PTPRD: variants seen among roughly 807,000 people sequenced by gnomAD.
PTPRD encodes the protein protein tyrosine phosphatase receptor type D.
In PTPRD, 34 loss-of-function variants were observed where a neutral mutation model predicts 214.5. The observed-to-expected ratio is 0.16, with a 90% CI of 0.12 to 0.21. The LOEUF is 0.21. Among genes scored for constraint, PTPRD ranks in the 10% least tolerant of loss-of-function variants. The pLI is 1.00. For missense variants in PTPRD, 2,545 were observed against 2,398.7 expected, an observed-to-expected ratio of 1.06 and a Z score of -1.27; for synonymous variants, 1,128 against 845.7, an observed-to-expected ratio of 1.33 and a Z score of -5.79.
chr9:9,011,208 C>T (rs1360631022), intron 11 of PTPRD, among the ~76,000 whole-genome samples: 1 of 152,026 alleles, frequency 6.6e-6, no homozygotes, highest in South Asian at 2.1e-4. Context: ...AATCATCAGT[C>T]ATAGCTTCTC....
At chr9:9,968,236 T>C (rs12339761) in intron 4 of PTPRD, among the ~76,000 whole-genome samples, 35,822 of 152,074 alleles carry the variant, frequency 0.24, 6,166 homozygotes, top group African/African-American at 0.49. Context: ...AGGCCACAGA[T>C]TTTTCAACTT....
intron 5 of PTPRD, among the ~76,000 whole-genome samples, chr9:9,876,345 A>G (rs2066864435): frequency 6.6e-6 from 1 of 152,040 alleles, no homozygotes; most frequent in African/African-American, 2.4e-5. Context: ...ACTTTGAAAG[A>G]CTCTTTTTAA....
intron 7 of PTPRD, among the ~76,000 whole-genome samples, chr9:9,666,802 T>C (rs145550354): frequency 5.3e-5 from 8 of 152,168 alleles, no homozygotes; most frequent in South Asian, 2.1e-4. Flanking sequence ...AATGTCATAA[T>C]AATCTATCAA....
At chr9:10,136,505 C>T (rs900279497) in intron 3 of PTPRD, among the ~76,000 whole-genome samples, 6 of 151,852 alleles carry the variant, frequency 4.0e-5, no homozygotes, top group African/African-American at 1.5e-4. Flanking sequence ...TAAATAAATT[C>T]CAAAAAATAG....
intron 9 of PTPRD, among the ~76,000 whole-genome samples, chr9:9,370,332 T>A (rs1445623797): frequency 2.6e-5 from 4 of 152,086 alleles, no homozygotes; most frequent in Non-Finnish European, 5.9e-5. Flanking sequence ...TTCACATCCC[T>A]TGTAAGTTGG....
intron 4 of PTPRD, among the ~76,000 whole-genome samples, chr9:9,951,374 G>T (rs1466117911): frequency 6.6e-6 from 1 of 152,186 alleles, no homozygotes; most frequent in African/African-American, 2.4e-5. Context: ...TATGAAAGTG[G>T]TAGGCCTGTA....
At chr9:8,448,318 A>T (rs1198963661) in intron 34 of PTPRD, among the ~76,000 whole-genome samples, 2 of 152,010 alleles carry the variant, frequency 1.3e-5, no homozygotes, top group Non-Finnish European at 2.9e-5. Context: ...ATCGAGTGAG[A>T]CTCTGTCTCA....
intron 10 of PTPRD, among the ~76,000 whole-genome samples, chr9:9,154,277 T>A (rs1025282475): frequency 6.6e-6 from 1 of 152,208 alleles, no homozygotes; most frequent in Admixed American, 6.5e-5. Flanking sequence ...ACCGTCTTAG[T>A]CTGTTTAGGT....
chr9:10,503,781 C>T (rs1057456409), intron 2 of PTPRD, among the ~76,000 whole-genome samples: 1 of 151,670 alleles, frequency 6.6e-6, no homozygotes, highest in Non-Finnish European at 1.5e-5. Flanking sequence ...AAATAGGGGA[C>T]AATAGATGTC....
At chr9:8,575,886 T>C (rs148284147) in intron 14 of PTPRD, among the ~76,000 whole-genome samples, 2 of 152,296 alleles carry the variant, frequency 1.3e-5, no homozygotes, top group East Asian at 3.9e-4. Flanking sequence ...AAAGACTAGC[T>C]AGGGATGCTT....
intron 3 of PTPRD, among the ~76,000 whole-genome samples, chr9:10,094,329 T>G (rs983338627): frequency 6.6e-6 from 1 of 151,260 alleles, no homozygotes; most frequent in African/African-American, 2.4e-5. Flanking sequence ...TCACTGGATG[T>G]TGAATGAGAA....
intron 4 of PTPRD, among the ~76,000 whole-genome samples, chr9:9,954,225 G>T (rs548332409): frequency 6.8e-6 from 1 of 146,972 alleles, no homozygotes; most frequent in South Asian, 2.1e-4. Context: ...GAACCTGGGA[G>T]GAGGCTACAG....
rs114598609 is a variant in PTPRD, at chr9:8,733,343, G to A, written c.64+437C>T. On this transcript the variant is annotated intron_variant, in intron 12 of 45. Transcript: ENST00000381196. ...ACAGCTGCTATGACAGCTACAAGGG[G>A]CTTGGAAGTTTAATTAGGCTCATTG... Among the ~76,000 whole-genome samples the A allele has an allele frequency of 3.6e-3, 542 of 152,148 alleles. 3 individuals are homozygous for A. The highest frequency in any genetic ancestry group is 0.013 in the African/African-American group (526 of 41,524).
chr9:9,883,855 C>G (rs1329880999), intron 5 of PTPRD, among the ~76,000 whole-genome samples: 1 of 152,116 alleles, frequency 6.6e-6, no homozygotes, highest in Non-Finnish European at 1.5e-5. Context: ...TACCAAAGTG[C>G]ATTTCCAATG....
intron 12 of PTPRD, among the ~76,000 whole-genome samples, chr9:8,723,437 C>A (rs2098523623): frequency 1.3e-5 from 2 of 152,166 alleles, no homozygotes; most frequent in Admixed American, 1.3e-4. Flanking sequence ...TCACGCCGTT[C>A]AGTGACTTGT....
At chr9:9,563,986 GC>G (rs988968785) in intron 8 of PTPRD, among the ~76,000 whole-genome samples, 2 of 152,030 alleles carry the variant, frequency 1.3e-5, no homozygotes. Context: ...AGACATGTTG[GC>G]CTAGGTTCAA....
intron 3 of PTPRD, among the ~76,000 whole-genome samples, chr9:10,335,495 T>C (rs924005609): frequency 3.3e-5 from 5 of 151,726 alleles, no homozygotes; most frequent in Non-Finnish European, 7.4e-5. Context: ...ATGAAACTCT[T>C]ACAAGATATC....
chr9:10,450,539 T>C (rs112074883), intron 2 of PTPRD, among the ~76,000 whole-genome samples: 1,834 of 152,162 alleles, frequency 0.012, 65 homozygotes, highest in African/African-American at 0.04. Flanking sequence ...GTAGTTTATA[T>C]TTTACGAATC....
intron 8 of PTPRD, among the ~76,000 whole-genome samples, chr9:9,499,793 G>A (rs1366954051): frequency 6.6e-6 from 1 of 152,024 alleles, no homozygotes; most frequent in Non-Finnish European, 1.5e-5. Context: ...ACCAAAAACA[G>A]TGCCTGATTT....
Sources: gnomAD v4.1 joint callset for allele counts (sites outside exome capture counted in the v4.1 genomes callset) on GRCh38, gnomAD v4.1.1 for gene constraint, MANE v1.5 for transcripts, NCBI Gene and HGNC (gene_info 2026-07-23, HGNC 2026-07-21) for gene names.